MECOM: variants seen among roughly 807,000 people sequenced by gnomAD.
The protein encoded by MECOM is MDS1 and EVI1 complex locus, also known as histone-lysine N-methyltransferase MECOM.
In MECOM, 13 loss-of-function variants were observed where a neutral mutation model predicts 116.3. The ratio of observed to expected loss-of-function variants is 0.11; its 90% CI spans 0.07 to 0.18. The LOEUF (loss-of-function observed/expected upper bound fraction) is 0.18, where lower values mean the gene tolerates loss of function less well. Ranked by LOEUF, MECOM falls within the 10% of genes least tolerant of loss-of-function variation. MECOM has a pLI of 1.00. For synonymous variants in MECOM, 528 were observed against 535.2 expected (o/e 0.99, Z 0.19); for missense variants, 1,299 against 1,509.0 (o/e 0.86, Z 2.31).
At position 169,142,528 on chromosome 3, in the gene MECOM, A is replaced by G. The variant is rs568540839; in HGVS notation, c.510+1170T>C. ...TTCACAATCAATAGCTAATTTAATA[A>G]TGTTTTCCCTTGTCAATAATTCCTC... On this transcript the variant is annotated intron_variant, in intron 3 of 16. Transcript: ENST00000651503. Among the ~76,000 whole-genome samples the G allele has an allele frequency of 7.2e-5, 11 of 152,068 alleles. No homozygotes were observed. The East Asian group carries it at 1.5e-3, about 21-fold the overall frequency.
chr3:169,277,515 A>G (rs890320770), intron 2 of MECOM, among the ~76,000 whole-genome samples: 1 of 152,156 alleles, frequency 6.6e-6, no homozygotes, highest in African/African-American at 2.4e-5. Flanking sequence ...CCAAAGATGA[A>G]TTTTAGTCCA....
intron 2 of MECOM, among the ~76,000 whole-genome samples, chr3:169,323,524 G>A (rs1721279646): frequency 6.6e-6 from 1 of 152,174 alleles, no homozygotes; most frequent in Non-Finnish European, 1.5e-5. Context: ...TTATCTAAAA[G>A]CAACAGTATG....
chr3:169,382,859 AAAAAATAAAAAAAAT>A (rs1446936618), intron 1 of MECOM, among the ~76,000 whole-genome samples: 1,815 of 110,760 alleles, frequency 0.016, 144 homozygotes, highest in African/African-American at 0.061. Context: ...CAAAAAAAAA[AAAAAATAAAAAAAAT>A]AAAAAAAGAA....
chr3:169,423,304 T>C (rs1454368051), intron 1 of MECOM, among the ~76,000 whole-genome samples: 1 of 152,054 alleles, frequency 6.6e-6, no homozygotes, highest in East Asian at 1.9e-4. Flanking sequence ...ACAGAAAAAT[T>C]GGTACTTTGC....
At chr3:169,224,914 TA>T (rs1752554392) in intron 2 of MECOM, among the ~76,000 whole-genome samples, 1 of 152,148 alleles carries the variant, frequency 6.6e-6, no homozygotes. Context: ...GATTAAACAT[TA>T]GGGGGCAAGT....
chr3:169,501,200 T>C (rs1384822338), intron 1 of MECOM, among the ~76,000 whole-genome samples: 2 of 152,024 alleles, frequency 1.3e-5, no homozygotes, highest in East Asian at 1.9e-4. Context: ...AATTTGAATA[T>C]ACATGCCTGG....
At chr3:169,602,244 A>C (rs1412650850) in intron 1 of MECOM, among the ~76,000 whole-genome samples, 2 of 152,242 alleles carry the variant, frequency 1.3e-5, no homozygotes, top group Non-Finnish European at 2.9e-5. Flanking sequence ...AACTTTCCAA[A>C]GATTATGAAC....
chr3:169,562,139 CAAAAAA>C (rs10714325), intron 1 of MECOM, among the ~76,000 whole-genome samples: 3,534 of 25,136 alleles, frequency 0.14, 41 homozygotes, highest in East Asian at 0.48. Flanking sequence ...GAGCAATACT[CAAAAAA>C]AAAAAAAAAA....
intron 1 of MECOM, among the ~76,000 whole-genome samples, chr3:169,432,947 T>A (rs1179754370): frequency 1.3e-5 from 2 of 152,212 alleles, no homozygotes; most frequent in Non-Finnish European, 2.9e-5. Context: ...TGATTAGAAC[T>A]TCTCTGGGCA....
At chr3:169,190,347 A>C (rs1747347732) in intron 2 of MECOM, among the ~76,000 whole-genome samples, 1 of 152,044 alleles carries the variant, frequency 6.6e-6, no homozygotes, top group Admixed American at 6.6e-5. Context: ...ATCTCTACAC[A>C]GCTACCCCTC....
chr3:169,165,245 A>C (rs1000255876), intron 2 of MECOM, among the ~76,000 whole-genome samples: 3 of 152,178 alleles, frequency 2.0e-5, no homozygotes, highest in Admixed American at 6.6e-5. Context: ...ACCGTAACTA[A>C]GCTTAAGTTG....
chr3:169,283,445 A>T (rs1000872777), intron 2 of MECOM, among the ~76,000 whole-genome samples: 1 of 152,318 alleles, frequency 6.6e-6, no homozygotes, highest in African/African-American at 2.4e-5. Context: ...TTTGTATAAT[A>T]AGAAAAAAAT....
At chr3:169,640,478 G>A (rs1773326627) in intron 1 of MECOM, among the ~76,000 whole-genome samples, 2 of 152,234 alleles carry the variant, frequency 1.3e-5, no homozygotes, top group South Asian at 4.1e-4. Flanking sequence ...AATGGAATTT[G>A]AGGAGAAACC....
chr3:169,396,748 A>G (rs1735080107), intron 1 of MECOM, among the ~76,000 whole-genome samples: 1 of 152,148 alleles, frequency 6.6e-6, no homozygotes, highest in South Asian at 2.1e-4. Flanking sequence ...AGGTGGGTGG[A>G]TCACTTGAGG....
At chr3:169,211,687 TC>T (rs1182520240) in intron 2 of MECOM, among the ~76,000 whole-genome samples, 1 of 152,156 alleles carries the variant, frequency 6.6e-6, no homozygotes, top group Non-Finnish European at 1.5e-5. Flanking sequence ...TAGGCTGTTT[TC>T]CTTTCTCTTT....
chr3:169,524,159 G>A (rs1228108067), intron 1 of MECOM, among the ~76,000 whole-genome samples: 1 of 150,758 alleles, frequency 6.6e-6, no homozygotes, highest in African/African-American at 2.4e-5. Context: ...TTCTCTCTTG[G>A]AACTAAATAT....
At chr3:169,479,328 G>T (rs1260989258) in intron 1 of MECOM, among the ~76,000 whole-genome samples, 1 of 151,632 alleles carries the variant, frequency 6.6e-6, no homozygotes, top group Admixed American at 6.6e-5. Context: ...AAGAAGGAAA[G>T]GGAGGCGTCT....
intron 1 of MECOM, among the ~76,000 whole-genome samples, chr3:169,601,071 T>C (rs186287343): frequency 3.5e-3 from 529 of 152,308 alleles, no homozygotes; most frequent in Non-Finnish European, 5.8e-3. Flanking sequence ...AAGTTATTTG[T>C]GGTCAAAATT....
At position 169,401,942 on chromosome 3, in the gene MECOM, A is replaced by T. The variant is rs116524019; in HGVS notation, c.38-20418T>A. Among the ~76,000 whole-genome samples the T allele has an allele frequency of 2.0e-3, 310 of 152,314 alleles. 2 individuals carry two copies. The highest frequency in any genetic ancestry group is 7.2e-3 in the African/African-American group (300 of 41,560). On this transcript the variant is annotated intron_variant, in intron 1 of 16. Transcript: ENST00000651503. ...TCCTATTGTCAATATGGAAAATGGA[A>T]AGATCAGAACTGGATATTAGCATGA...
Sources: gnomAD v4.1 joint callset for allele counts (sites outside exome capture counted in the v4.1 genomes callset) on GRCh38, gnomAD v4.1.1 for gene constraint, MANE v1.5 for transcripts, NCBI Gene and HGNC (gene_info 2026-07-23, HGNC 2026-07-21) for gene names.